SAXO1: variants seen among roughly 807,000 people sequenced by gnomAD.
SAXO1 encodes stabilizer of axonemal microtubules 1.
Under a neutral mutation model 17.5 loss-of-function variants are expected in SAXO1, and 21 were observed. The ratio of observed to expected loss-of-function variants is 1.20; its 90% CI spans 0.85 to 1.72. The LOEUF is 1.72. SAXO1 is among the 40% of genes most tolerant of loss of function. The probability of loss-of-function intolerance (pLI) is 0.00; values close to 1 mark genes in which losing one functional copy is unlikely to be tolerated. For missense variants in SAXO1, 843 were observed against 596.0 expected, an observed-to-expected ratio of 1.41 and a Z score of -4.32; for synonymous variants, 274 against 216.5, an observed-to-expected ratio of 1.27 and a Z score of -2.33.
intron 1 of SAXO1, among the ~76,000 whole-genome samples, chr9:19,017,150 A>AGGCAAAG (rs1223454696): frequency 6.6e-6 from 1 of 152,162 alleles, no homozygotes; most frequent in African/African-American, 2.4e-5. Flanking sequence ...TGCAAGGCAA[A>AGGCAAAG]GGCAAAGGGC....
At chr9:18,951,907 G>A (rs1167732396) in intron 1 of SAXO1, among the ~76,000 whole-genome samples, 1 of 151,844 alleles carries the variant, frequency 6.6e-6, no homozygotes, top group East Asian at 1.9e-4. Flanking sequence ...TGGCACATTC[G>A]GTAAATATTT....
At chr9:18,934,005 C>G (rs1588399927) in intron 3 of SAXO1, among the ~76,000 whole-genome samples, 2 of 152,238 alleles carry the variant, frequency 1.3e-5, no homozygotes, top group African/African-American at 4.8e-5. Flanking sequence ...GAGATTGCAG[C>G]CACTGCACTC....
At chr9:19,031,879 T>A (rs935696116) in intron 1 of SAXO1, among the ~76,000 whole-genome samples, 2 of 152,196 alleles carry the variant, frequency 1.3e-5, no homozygotes, top group Admixed American at 6.5e-5. Context: ...CTGATCCAGT[T>A]TTTAGAGTGC....
intron 1 of SAXO1, among the ~76,000 whole-genome samples, chr9:18,961,494 C>T (rs1162145018): frequency 1.3e-5 from 2 of 152,254 alleles, no homozygotes; most frequent in South Asian, 4.1e-4. Context: ...CCCTTGCCCC[C>T]ACCCCTCAAC....
At chr9:18,949,399 C>G (rs1477203808) in intron 2 of SAXO1, among the ~76,000 whole-genome samples, 1 of 152,086 alleles carries the variant, frequency 6.6e-6, no homozygotes, top group African/African-American at 2.4e-5. Flanking sequence ...CGAGGCTGCA[C>G]TGAGCGATGA....
chr9:18,982,468 A>T (rs909397553), intron 1 of SAXO1, among the ~76,000 whole-genome samples: 2 of 152,200 alleles, frequency 1.3e-5, no homozygotes, highest in Admixed American at 6.5e-5. Flanking sequence ...AAGTACAATG[A>T]AACACACAAA....
At chr9:18,957,562 A>G (rs1832304916) in intron 1 of SAXO1, among the ~76,000 whole-genome samples, 3 of 152,302 alleles carry the variant, frequency 2.0e-5, no homozygotes, top group South Asian at 4.1e-4. Context: ...GTGACCTGTC[A>G]CAGCTGCTGT....
At chr9:18,961,327 C>T (rs1006889404) in intron 1 of SAXO1, among the ~76,000 whole-genome samples, 12 of 151,978 alleles carry the variant, frequency 7.9e-5, no homozygotes, top group East Asian at 3.9e-4. Flanking sequence ...TGTGCCACCA[C>T]GCCTGGCTAA....
intron 1 of SAXO1, among the ~76,000 whole-genome samples, chr9:19,022,355 G>C (rs750811865): frequency 2.0e-5 from 3 of 152,206 alleles, no homozygotes; most frequent in Non-Finnish European, 4.4e-5. Flanking sequence ...CTTCATTCTT[G>C]AAGTGAGTGA....
chr9:18,941,902 C>T (rs1286015944), intron 2 of SAXO1, 63 bp from the exon 3 acceptor site: 17 of 1,448,102 alleles, frequency 1.2e-5, no homozygotes, highest in Admixed American at 3.4e-5. Context: ...ATGTTTTCTG[C>T]TCAACCCAAC....
rs150162102 is a variant in SAXO1, at chr9:19,000,457, G to A, written c.38+32414C>T. 7.1e-3 allele frequency among the ~76,000 whole-genome samples: 1,070 copies of A among 150,862 alleles called. 12 individuals carry two copies. The highest frequency in any genetic ancestry group is 0.046 in the South Asian group (220 of 4,734). On this transcript the variant is annotated intron_variant, in intron 1 of 3. Coordinates refer to ENST00000380534, the MANE Select transcript of SAXO1 (RefSeq NM_153707.4). Reference sequence around the variant, plus strand: ...AATGCCTCTGCCAGGCCGCCCCACCGTCTGGGATGTGAGGAGTGCCTCTGC... The same window carrying A: ...AATGCCTCTGCCAGGCCGCCCCACCATCTGGGATGTGAGGAGTGCCTCTGC...
At chr9:18,998,527 T>C (rs561283675) in intron 1 of SAXO1, among the ~76,000 whole-genome samples, 69 of 152,254 alleles carry the variant, frequency 4.5e-4, no homozygotes, top group African/African-American at 1.6e-3. Context: ...TGGAACCAAG[T>C]TAGAAAACAC....
At chr9:18,958,124 G>A (rs1439680689) in intron 1 of SAXO1, among the ~76,000 whole-genome samples, 1 of 152,084 alleles carries the variant, frequency 6.6e-6, no homozygotes, top group East Asian at 1.9e-4. Flanking sequence ...AATGATCAGG[G>A]ATCATAAACC....
chr9:18,965,760 G>A (rs1460569077), intron 1 of SAXO1, among the ~76,000 whole-genome samples: 1 of 152,098 alleles, frequency 6.6e-6, no homozygotes, highest in Middle Eastern at 3.2e-3. Flanking sequence ...GGTTAATATT[G>A]TTATGTGTGA....
At chr9:19,030,396 G>A (rs1332468250) in intron 1 of SAXO1, among the ~76,000 whole-genome samples, 1 of 151,520 alleles carries the variant, frequency 6.6e-6, no homozygotes, top group Non-Finnish European at 1.5e-5. Flanking sequence ...CAATGGAGGA[G>A]GGACCCAGAC....
At chr9:19,005,473 C>A (rs543383797) in intron 1 of SAXO1, among the ~76,000 whole-genome samples, 1 of 152,224 alleles carries the variant, frequency 6.6e-6, no homozygotes, top group Non-Finnish European at 1.5e-5. Context: ...AATAAACCCT[C>A]ACATATATGG....
intron 3 of SAXO1, among the ~76,000 whole-genome samples, chr9:18,933,166 T>C (rs1831128710): frequency 1.7e-5 from 2 of 117,952 alleles, no homozygotes; most frequent in African/African-American, 5.1e-5. Context: ...GAAGTACAGA[T>C]TTTTTTTGTG....
At chr9:19,017,612 C>T (rs1563983909) in intron 1 of SAXO1, among the ~76,000 whole-genome samples, 1 of 152,208 alleles carries the variant, frequency 6.6e-6, no homozygotes, top group Non-Finnish European at 1.5e-5. Context: ...CCAACCTTGC[C>T]TCTCCACACT....
chr9:18,996,933 T>C (rs1360104743), intron 1 of SAXO1, among the ~76,000 whole-genome samples: 7 of 152,074 alleles, frequency 4.6e-5, no homozygotes, highest in African/African-American at 9.7e-5. Flanking sequence ...TGATCTCATA[T>C]GTAAAACCCA....
Sources: gnomAD v4.1 joint callset for allele counts (sites outside exome capture counted in the v4.1 genomes callset) on GRCh38, gnomAD v4.1.1 for gene constraint, MANE v1.5 for transcripts, NCBI Gene and HGNC (gene_info 2026-07-23, HGNC 2026-07-21) for gene names.